TTC39C: variants seen among roughly 807,000 people sequenced by gnomAD.
The protein encoded by TTC39C is tetratricopeptide repeat protein 39C.
In TTC39C, 33 loss-of-function variants were observed where a neutral mutation model predicts 76.3. The ratio of observed to expected loss-of-function variants is 0.43; its 90% confidence interval spans 0.33 to 0.58. The LOEUF is 0.58. TTC39C is among the 20% of genes least tolerant of loss of function. TTC39C has a pLI of 0.04. For synonymous variants in TTC39C, 254 were observed against 260.6 expected (o/e 0.97, Z 0.24); for missense variants, 595 against 701.4 (o/e 0.85, Z 1.71).
chr18:24,111,775 G>C (rs2084814712), intron 6 of TTC39C, among the ~76,000 whole-genome samples: 2 of 151,760 alleles, frequency 1.3e-5, no homozygotes, highest in Admixed American at 1.3e-4. Context: ...AGCAGTGCAT[G>C]CCCATAATCC....
At chr18:24,046,967 A>C (rs573367454) in intron 1 of TTC39C, among the ~76,000 whole-genome samples, 1 of 151,978 alleles carries the variant, frequency 6.6e-6, no homozygotes, top group South Asian at 2.1e-4. Flanking sequence ...GAAATACTTA[A>C]CTTTCCCTAA....
intron 1 of TTC39C, among the ~76,000 whole-genome samples, chr18:24,034,694 T>C (rs1404800072): frequency 6.6e-6 from 1 of 152,248 alleles, no homozygotes; most frequent in East Asian, 1.9e-4. Flanking sequence ...ATGAGTTTGT[T>C]TGTGATAGGT....
chr18:23,994,974 CTT>C (rs1200001986), intron 1 of TTC39C, among the ~76,000 whole-genome samples: 2 of 152,002 alleles, frequency 1.3e-5, no homozygotes, highest in Non-Finnish European at 2.9e-5. Context: ...ATGAAATTGA[CTT>C]TGGTAAAATG....
At chr18:24,053,146 A>G (rs1284743055) in intron 1 of TTC39C, among the ~76,000 whole-genome samples, 1 of 152,230 alleles carries the variant, frequency 6.6e-6, no homozygotes, top group African/African-American at 2.4e-5. Context: ...TTGGAAAAAT[A>G]TTCTTAATAA....
At chr18:24,079,463 G>C (rs892001259) in intron 4 of TTC39C, among the ~76,000 whole-genome samples, 1 of 152,112 alleles carries the variant, frequency 6.6e-6, no homozygotes. Flanking sequence ...AGAAAAATTG[G>C]CCTAACAGAA....
chr18:24,101,251 AAACT>A (rs2084669557), intron 6 of TTC39C, among the ~76,000 whole-genome samples: 1 of 151,942 alleles, frequency 6.6e-6, no homozygotes, highest in Admixed American at 6.6e-5. Flanking sequence ...AAAATCTTCA[AAACT>A]AACTACCTGG....
intron 6 of TTC39C, among the ~76,000 whole-genome samples, chr18:24,104,710 G>GTGTT (rs2084724817): frequency 6.6e-6 from 1 of 151,140 alleles, no homozygotes; most frequent in Non-Finnish European, 1.5e-5. Context: ...GTGTGTGTGT[G>GTGTT]TGTGTGTGTG....
At position 24,072,143 on chromosome 18, in the gene TTC39C, GA is replaced by G. The variant is rs547569122; in HGVS notation, c.460+2884del. Among the ~76,000 whole-genome samples, 103 of 143,420 alleles carry G rather than the reference GA, an allele frequency of 7.2e-4. No individual in the cohort carries two copies. The East Asian group carries it at 7.4e-3, about 10-fold the overall frequency. The allele number at this position is 143,420 out of a possible 152,430, so 94.1% of individuals were successfully genotyped here. On this transcript the variant is annotated intron_variant, in intron 4 of 13. Transcript: ENST00000317571. ...ATTTTACATGGATAATTTTCTTGGG[GA>G]AAAAAAAAAAACAAAGCTCCTTGTT...
intron 1 of TTC39C, among the ~76,000 whole-genome samples, chr18:23,996,275 A>T (rs756773090): frequency 6.6e-6 from 1 of 152,222 alleles, no homozygotes; most frequent in Non-Finnish European, 1.5e-5. Context: ...GGCCAGAGAG[A>T]TGGAAGAGGG....
chr18:24,060,026 C>A (rs2084073527), intron 1 of TTC39C, among the ~76,000 whole-genome samples: 1 of 145,400 alleles, frequency 6.9e-6, no homozygotes, highest in South Asian at 2.2e-4. Flanking sequence ...TATCTCCCAC[C>A]AGCTCCCTCC....
chr18:24,001,977 C>T (rs1477308674), intron 1 of TTC39C, among the ~76,000 whole-genome samples: 2 of 152,212 alleles, frequency 1.3e-5, no homozygotes, highest in East Asian at 3.9e-4. Flanking sequence ...AGGCGCCCGC[C>T]ACCACGCCCG....
intron 6 of TTC39C, among the ~76,000 whole-genome samples, chr18:24,098,491 CTCTCCTATCCTCTCCTCT>C: frequency 1.1e-5 from 1 of 94,000 alleles, no homozygotes; most frequent in African/African-American, 5.8e-5. Context: ...CTTCCCTCTC[CTCTCCTATCCTCTCCTCT>C]CCCCTCCCCT....
intron 1 of TTC39C, among the ~76,000 whole-genome samples, chr18:24,042,831 C>G (rs12373357): frequency 9.2e-4 from 140 of 152,230 alleles, no homozygotes; most frequent in African/African-American, 3.3e-3. Context: ...ACGGGTGTGC[C>G]TAATGACATT....
intron 1 of TTC39C, among the ~76,000 whole-genome samples, chr18:24,030,406 A>G (rs1004512847): frequency 6.6e-6 from 1 of 152,238 alleles, no homozygotes; most frequent in African/African-American, 2.4e-5. Context: ...CTTAATGACT[A>G]TTGAGACTTA....
At chr18:24,074,052 A>G (rs2084273844) in intron 4 of TTC39C, among the ~76,000 whole-genome samples, 1 of 152,198 alleles carries the variant, frequency 6.6e-6, no homozygotes, top group Non-Finnish European at 1.5e-5. Context: ...TCTTGAGATG[A>G]ATGAGATGCA....
In TTC39C at chr18:24,092,127, A is replaced by AATC. The variant is rs1555775350; in HGVS notation, c.984+9048_984+9049insCAT. 1.1e-4 allele frequency among the ~76,000 whole-genome samples: 14 copies of AATC among 132,578 alleles called. 1 individual carries two copies. Among genetic ancestry groups the AATC allele is most frequent in the African/African-American group, 3.6e-4 (12 of 33,468 alleles). 87.0% of individuals were successfully genotyped at this position (132,578 alleles called of 152,430 possible). A position where few individuals can be genotyped will look rare whatever the true frequency, so the allele number is the denominator to read the frequency against. ...AAAAAAAAAAAAAAAAAAAAAAAAT[A>AATC]ATAATAATAGACAACGGATCTGAAG... On this transcript the variant is annotated intron_variant, in intron 6 of 13. Transcript: ENST00000317571.
intron 6 of TTC39C, among the ~76,000 whole-genome samples, chr18:24,096,296 T>G (rs550649110): frequency 6.6e-6 from 1 of 152,334 alleles, no homozygotes; most frequent in South Asian, 2.1e-4. Flanking sequence ...ATGCCTGTAT[T>G]TCTTATATAT....
chr18:24,076,332 C>CAT (rs1568428405), intron 4 of TTC39C, among the ~76,000 whole-genome samples: 2 of 152,154 alleles, frequency 1.3e-5, no homozygotes, highest in African/African-American at 2.4e-5. Flanking sequence ...ACAGCGATAA[C>CAT]GACAGCTGAA....
chr18:24,122,518 A>AAG (rs2084981980), intron 8 of TTC39C, among the ~76,000 whole-genome samples: 1 of 150,976 alleles, frequency 6.6e-6, no homozygotes, highest in African/African-American at 2.4e-5. Context: ...AAAAAAAAAA[A>AAG]AAGAAGAGGG....
Sources: allele counts gnomAD v4.1 joint callset (sites outside exome capture counted in the v4.1 genomes callset), GRCh38; gene constraint gnomAD v4.1.1; transcripts MANE v1.5; gene names NCBI Gene and HGNC (gene_info 2026-07-23, HGNC 2026-07-21).